COPB1: variants seen among roughly 807,000 people sequenced by gnomAD.
COPB1 encodes coatomer subunit beta.
A neutral mutation model predicts 108.7 loss-of-function variants in COPB1; 21 were observed. The ratio of observed to expected loss-of-function variants is 0.19; its 90% CI spans 0.14 to 0.28. COPB1 has a LOEUF of 0.28. Ranked by LOEUF, COPB1 falls within the 10% of genes least tolerant of loss-of-function variation. COPB1 has a pLI of 1.00. For missense variants in COPB1, 919 were observed against 1,141.3 expected (o/e 0.81, Z 2.81); for synonymous variants, 378 against 386.8 (o/e 0.98, Z 0.27).
intron 4 of COPB1, 71 bp downstream of exon 4, chr11:14,493,571 A>C (rs1850956747): frequency 1.5e-6 from 2 of 1,331,006 alleles, no homozygotes; most frequent in Non-Finnish European, 2.0e-6. Flanking sequence ...GCAAGCAACC[A>C]CTTTGGAACC....
At chr11:14,485,486 C>T (rs1388435141) in intron 7 of COPB1, among the ~76,000 whole-genome samples, 2 of 152,158 alleles carry the variant, frequency 1.3e-5, no homozygotes, top group East Asian at 1.9e-4. Flanking sequence ...ACTTTTGACT[C>T]CCCAAAAACT....
intron 2 of COPB1, among the ~76,000 whole-genome samples, chr11:14,495,764 G>T (rs1851005429): frequency 6.6e-6 from 1 of 152,130 alleles, no homozygotes; most frequent in East Asian, 1.9e-4. Flanking sequence ...TAAGACTAGG[G>T]CATTGTTCCA....
intron 7 of COPB1, among the ~76,000 whole-genome samples, chr11:14,484,915 G>A (rs1005202791): frequency 6.6e-6 from 1 of 152,282 alleles, no homozygotes; most frequent in Non-Finnish European, 1.5e-5. Context: ...TGATGATATA[G>A]TCTTGATAGA....
At chr11:14,480,936 T>G (rs1483006616) in intron 9 of COPB1, 31 bp from the exon 10 acceptor site, 1 of 1,613,308 alleles carries the variant, frequency 6.2e-7, no homozygotes, top group Non-Finnish European at 8.5e-7. Context: ...TAAGTGAGAG[T>G]TACATCATAT....
In COPB1 at chr11:14,464,774, G is replaced by A. The variant is rs112132207; in HGVS notation, c.2410+137C>T. 154 of 918,022 alleles carry A rather than the reference G, an allele frequency of 1.7e-4. 1 individual carries two copies. In the African/African-American group the frequency reaches 2.2e-3, roughly 13 times the overall value. The allele number at this position is 918,022 out of a possible 1,614,324, so 56.9% of individuals were successfully genotyped here. A position where few individuals can be genotyped will look rare whatever the true frequency, so the allele number is the denominator to read the frequency against. On this transcript the variant is annotated intron_variant, in intron 18 of 21. Coordinates refer to ENST00000439561, the MANE Select transcript of COPB1 (RefSeq NM_001144061.2). ...ACATCCAGAACATAGTTCAATGCGTGGTACCATAGAGAGTATCTCATAAAT... is the reference window on the plus strand; with the variant it reads ...ACATCCAGAACATAGTTCAATGCGTAGTACCATAGAGAGTATCTCATAAAT...
At chr11:14,498,767 T>C (rs1195579932) in intron 2 of COPB1, 71 bp downstream of exon 2, 19 of 1,207,352 alleles carry the variant, frequency 1.6e-5, no homozygotes, top group African/African-American at 3.1e-5. Context: ...TATAAAGGAA[T>C]ATGAAATATG....
Position 14,461,180 on chromosome 11 carries a change from A to G in COPB1, c.2556+6T>C. ...AGGAATATGAGAAAATCTCCCAAGG[A>G]CTAACTTTGTTTTCCCATTCAAATT... On this transcript the variant is annotated splice_donor_region_variant and intron_variant, in intron 19 of 21. Transcript: ENST00000439561. The G allele has an allele frequency of 6.2e-7, 1 of 1,614,102 alleles. No individual in the cohort carries two copies. Among genetic ancestry groups the G allele is most frequent in the East Asian group, 2.2e-5 (1 of 44,866 alleles).
intron 6 of COPB1, 100 bp from the exon 7 acceptor site, chr11:14,486,604 A>C (rs1298698809): frequency 2.1e-6 from 3 of 1,427,278 alleles, no homozygotes; most frequent in Non-Finnish European, 2.9e-6. Flanking sequence ...TAGTTTTCTC[A>C]ATATGAAAGC....
At chr11:14,468,265 A>T (rs928961573) in intron 16 of COPB1, among the ~76,000 whole-genome samples, 5 of 152,304 alleles carry the variant, frequency 3.3e-5, no homozygotes, top group Middle Eastern at 3.4e-3. Context: ...CATTTTCCTA[A>T]TAAAATTCTA....
At chr11:14,469,776 G>A (rs998077464) in intron 14 of COPB1, among the ~76,000 whole-genome samples, 15 of 152,154 alleles carry the variant, frequency 9.9e-5, no homozygotes, top group African/African-American at 3.6e-4. Context: ...CTCAATTAGA[G>A]ACAGCAGAGG....
intron 7 of COPB1, among the ~76,000 whole-genome samples, chr11:14,484,712 C>T (rs769646257): frequency 3.3e-5 from 5 of 151,868 alleles, no homozygotes; most frequent in African/African-American, 9.7e-5. Context: ...AGTGAGACTC[C>T]GTCTCAAAAA....
At chr11:14,486,545 C>T (rs201861428) in intron 6 of COPB1, 41 bp from the exon 7 acceptor site, 25 of 1,600,050 alleles carry the variant, frequency 1.6e-5, no homozygotes, top group South Asian at 4.4e-5. Context: ...ATTTCAGGAA[C>T]GCTTGTTTTC....
chr11:14,467,068 T>C (rs936926517), intron 16 of COPB1, among the ~76,000 whole-genome samples: 1 of 152,038 alleles, frequency 6.6e-6, no homozygotes, highest in Non-Finnish European at 1.5e-5. Context: ...TAAACACTTT[T>C]ATGCATCAAA....
intron 17 of COPB1, 25 bp downstream of exon 17, chr11:14,466,257 T>C (rs770176616): frequency 1.2e-6 from 2 of 1,610,402 alleles, no homozygotes; most frequent in South Asian, 2.2e-5. Flanking sequence ...TGACAATCTC[T>C]TTCCTGAATG....
intron 21 of COPB1, 124 bp downstream of exon 21, chr11:14,458,408 A>T: frequency 1.1e-6 from 1 of 892,032 alleles, no homozygotes; most frequent in South Asian, 2.5e-5. Context: ...TTCAGAGTAT[A>T]TTATTATTGT....
intron 14 of COPB1, among the ~76,000 whole-genome samples, chr11:14,471,722 A>G (rs889578605): frequency 1.3e-5 from 2 of 152,162 alleles, no homozygotes; most frequent in African/African-American, 4.8e-5. Flanking sequence ...GTTCGAGACC[A>G]GCCTGGTCAA....
rs1163894894 is a variant in COPB1 at position 14,466,632 on chromosome 11, CTATT to C, written c.2146-210_2146-207del. Among the ~76,000 whole-genome samples, 4 of 152,108 alleles carry C rather than the reference CTATT, an allele frequency of 2.6e-5. No individual in the cohort carries two copies. In the East Asian group the frequency reaches 5.8e-4, roughly 22 times the overall value. ...TAACAGGTCCTAGAGTTTAAGACAT[CTATT>C]TGTTTTTAAGCTCAATAACTCAGTA... On this transcript the variant is annotated intron_variant, in intron 16 of 21. Coordinates refer to ENST00000439561, the MANE Select transcript of COPB1 (RefSeq NM_001144061.2).
At chr11:14,477,039 C>T (rs369397813) in intron 11 of COPB1, 24 bp from the exon 12 acceptor site, 2 of 1,439,792 alleles carry the variant, frequency 1.4e-6, no homozygotes, top group African/African-American at 2.8e-5. Context: ...AGATCTGAAA[C>T]ATGAACTTGG....
At chr11:14,489,198 T>C (rs969459386) in intron 5 of COPB1, among the ~76,000 whole-genome samples, 4 of 152,174 alleles carry the variant, frequency 2.6e-5, no homozygotes, top group African/African-American at 9.7e-5. Flanking sequence ...CCCATTAACA[T>C]TGCTACTATC....
Sources: allele counts gnomAD v4.1 joint callset (sites outside exome capture counted in the v4.1 genomes callset), GRCh38; gene constraint gnomAD v4.1.1; transcripts MANE v1.5; gene names NCBI Gene and HGNC (gene_info 2026-07-23, HGNC 2026-07-21).